ARHGAP6: variants seen among roughly 807,000 people sequenced by gnomAD.
ARHGAP6 encodes the protein Rho GTPase activating protein 6, also known as rho GTPase-activating protein 6.
Under a neutral mutation model 55.7 loss-of-function variants are expected in ARHGAP6, and 16 were observed. That is an observed-to-expected ratio of 0.29 (90% CI 0.19 to 0.44). ARHGAP6 has a LOEUF of 0.44. Among genes scored for constraint, ARHGAP6 ranks in the 20% least tolerant of loss-of-function variants. The pLI is 1.00. For missense variants in ARHGAP6, 698 were observed against 808.9 expected, an observed-to-expected ratio of 0.86 and a Z score of 1.66; for synonymous variants, 382 against 360.9, an observed-to-expected ratio of 1.06 and a Z score of -0.66.
intron 1 of ARHGAP6, among the ~76,000 whole-genome samples, chrX:11,523,181 A>C (rs1383984953): frequency 8.9e-6 from 1 of 111,981 alleles, no homozygotes; most frequent in African/African-American, 3.2e-5. Flanking sequence ...ACAAAATTCA[A>C]CAGCCCTTCA....
chrX:11,171,224 A>G (rs1477252560), intron 8 of ARHGAP6, among the ~76,000 whole-genome samples: 6 of 111,315 alleles, frequency 5.4e-5, no homozygotes, highest in African/African-American at 2.0e-4. Context: ...CAAAAGAAAA[A>G]AAAATGCCCA....
rs779032322 is a variant in ARHGAP6 at position 11,524,588 on chromosome X, A to G, written c.588+139653T>C. Among the ~76,000 whole-genome samples, 8 of 111,199 alleles carry G rather than the reference A, an allele frequency of 7.2e-5. No individual in the cohort carries two copies. The East Asian group carries it at 2.0e-3, about 28-fold the overall frequency. On this transcript the variant is annotated intron_variant, in intron 1 of 12. Coordinates refer to ENST00000337414, the MANE Select transcript of ARHGAP6 (RefSeq NM_013427.3). ...TTGTCTTATTCTAACCTTAGCACCA[A>G]TGACATTTGGGACTGGATAATTCTT...
At chrX:11,416,292 C>T (rs2049746302) in intron 1 of ARHGAP6, among the ~76,000 whole-genome samples, 2 of 111,041 alleles carry the variant, frequency 1.8e-5, no homozygotes, top group South Asian at 3.9e-4. Flanking sequence ...AATTTTAATG[C>T]AATTAAATTG....
intron 1 of ARHGAP6, among the ~76,000 whole-genome samples, chrX:11,441,855 A>C (rs1197972097): frequency 9.2e-6 from 1 of 108,340 alleles, no homozygotes; most frequent in African/African-American, 3.3e-5. Context: ...CCTTCTCATC[A>C]CTTGCCAGGT....
At chrX:11,470,759 G>A (rs2050339754) in intron 1 of ARHGAP6, among the ~76,000 whole-genome samples, 1 of 112,052 alleles carries the variant, frequency 8.9e-6, no homozygotes, top group African/African-American at 3.2e-5. Flanking sequence ...AACAGCAGGG[G>A]TAGCTTCACA....
intron 1 of ARHGAP6, among the ~76,000 whole-genome samples, chrX:11,562,789 A>G (rs944386989): frequency 8.9e-6 from 1 of 112,083 alleles, no homozygotes; most frequent in African/African-American, 3.2e-5. Context: ...TTGAAACGCA[A>G]TGTCACTCAA....
chrX:11,455,065 T>C (rs1359278418), intron 1 of ARHGAP6, among the ~76,000 whole-genome samples: 2 of 112,123 alleles, frequency 1.8e-5, no homozygotes, highest in African/African-American at 6.5e-5. Context: ...TATTATCCAA[T>C]GGGTAGATTC....
intron 1 of ARHGAP6, among the ~76,000 whole-genome samples, chrX:11,366,859 G>A (rs2049086138): frequency 8.9e-6 from 1 of 111,960 alleles, no homozygotes; most frequent in African/African-American, 3.2e-5. Flanking sequence ...ATAAAACAAA[G>A]TAGTAGCCTA....
At chrX:11,628,804 G>A (rs765894276) in intron 1 of ARHGAP6, among the ~76,000 whole-genome samples, 17 of 112,634 alleles carry the variant, frequency 1.5e-4, no homozygotes, top group African/African-American at 5.5e-4. Flanking sequence ...AACTGGAATT[G>A]TTTTCTCCCT....
At position 11,658,004 on chromosome X, in the gene ARHGAP6, G is replaced by A. The variant is rs190411355; in HGVS notation, c.588+6237C>T. Among the ~76,000 whole-genome samples the A allele has an allele frequency of 1.9e-3, 216 of 112,003 alleles. 1 individual carries two copies. Among genetic ancestry groups the A allele is most frequent in the Middle Eastern group, 0.014 (3 of 218 alleles). On this transcript the variant is annotated intron_variant, in intron 1 of 12. Transcript: ENST00000337414. ...AATCAGGATAAAAACTGATTGCCAA[G>A]GTTTAAGGTGCTCACCAGAGAATAA...
intron 1 of ARHGAP6, among the ~76,000 whole-genome samples, chrX:11,429,379 G>A (rs1178685236): frequency 4.5e-5 from 5 of 111,810 alleles, no homozygotes; most frequent in Non-Finnish European, 7.5e-5. Context: ...CTAGGGTGCT[G>A]GAAATGATCT....
intron 1 of ARHGAP6, among the ~76,000 whole-genome samples, chrX:11,502,551 T>C (rs1310669445): frequency 8.9e-6 from 1 of 112,148 alleles, no homozygotes; most frequent in East Asian, 2.8e-4. Flanking sequence ...AGTCAATTTA[T>C]ATGCTGATTT....
chrX:11,308,078 A>C (rs2048256570), intron 1 of ARHGAP6, among the ~76,000 whole-genome samples: 1 of 112,460 alleles, frequency 8.9e-6, no homozygotes, highest in Admixed American at 9.4e-5. Flanking sequence ...AGAGGAAGAA[A>C]TTTGCAAATG....
intron 1 of ARHGAP6, among the ~76,000 whole-genome samples, chrX:11,347,429 C>T (rs958104584): frequency 8.1e-5 from 9 of 111,773 alleles, no homozygotes; most frequent in African/African-American, 2.9e-4. Flanking sequence ...ACCTTACTGA[C>T]ATTCTTTCTT....
At position 11,144,159 on chromosome X, in the gene ARHGAP6, A is replaced by G; in HGVS notation, c.1997T>C (p.Ile666Thr). Residue 666 changes from isoleucine to threonine, a missense_variant, in exon 11 of 13, where the codon ATC becomes ACC. By Grantham distance (89) the Ile-to-Thr change is moderately conservative. This residue lies in a region of ARHGAP6 where 322 missense variants were observed against 451.1 expected (regional missense o/e 0.71). Transcript: ENST00000337414. ...TGGGGAGTTGTTGTCATAAGGGGAGATGTCTCCGCTGGAGGCCTTGTTGGA... is the reference window on the plus strand; with the variant it reads ...TGGGGAGTTGTTGTCATAAGGGGAGGTGTCTCCGCTGGAGGCCTTGTTGGA... ...TDSNKASSGD[I>T]SPYDNNSPVL... 8.3e-7 allele frequency: 1 copy of G among 1,211,796 alleles called. No homozygotes were observed. Among genetic ancestry groups the G allele is most frequent in the Non-Finnish European group, 1.1e-6 (1 of 895,520 alleles).
At chrX:11,381,479 G>A (rs975915046) in intron 1 of ARHGAP6, among the ~76,000 whole-genome samples, 1 of 111,763 alleles carries the variant, frequency 8.9e-6, no homozygotes. Context: ...TCATCCCAAC[G>A]ACCATAGAAG....
intron 1 of ARHGAP6, among the ~76,000 whole-genome samples, chrX:11,473,920 G>A (rs1296907780): frequency 9.0e-6 from 1 of 111,487 alleles, no homozygotes; most frequent in Non-Finnish European, 1.9e-5. Flanking sequence ...GAATTCAGTT[G>A]ATATTGAACA....
At chrX:11,330,404 CAAAT>C (rs1319861035) in intron 1 of ARHGAP6, among the ~76,000 whole-genome samples, 4 of 111,552 alleles carry the variant, frequency 3.6e-5, no homozygotes, top group Admixed American at 9.6e-5. Context: ...CACTTTTCAC[CAAAT>C]AAATACAATT....
At chrX:11,315,603 T>C (rs1321449089) in intron 1 of ARHGAP6, among the ~76,000 whole-genome samples, 1 of 111,942 alleles carries the variant, frequency 8.9e-6, no homozygotes, top group African/African-American at 3.2e-5. Context: ...CTGTTTTTTC[T>C]CTTTTAGGGA....
Sources: allele counts gnomAD v4.1 joint callset (sites outside exome capture counted in the v4.1 genomes callset), GRCh38; gene constraint gnomAD v4.1.1; regional missense constraint gnomAD v4.1.1; transcripts MANE v1.5; gene names NCBI Gene and HGNC (gene_info 2026-07-23, HGNC 2026-07-21).